The following RBFOX1 variants were observed in gnomAD, a reference collection of about 807,000 sequenced individuals.
RBFOX1 encodes RNA binding protein fox-1 homolog 1.
Under a neutral mutation model 57.7 loss-of-function variants are expected in RBFOX1, and 8 were observed. The observed-to-expected ratio is 0.14, with a 90% confidence interval of 0.08 to 0.25. RBFOX1 has a LOEUF of 0.25. Ranked by LOEUF, RBFOX1 falls within the 10% of genes least tolerant of loss-of-function variation. RBFOX1 has a pLI of 1.00. For missense variants in RBFOX1, 611 were observed against 548.5 expected, an observed-to-expected ratio of 1.11 and a Z score of -1.14; for synonymous variants, 326 against 222.4, an observed-to-expected ratio of 1.47 and a Z score of -4.15.
intron 3 of RBFOX1, among the ~76,000 whole-genome samples, chr16:6,804,438 C>T (rs1465824163): frequency 6.6e-6 from 1 of 152,106 alleles, no homozygotes; most frequent in South Asian, 2.1e-4. Context: ...TCTTTGCTGA[C>T]TGAAGATTTG....
chr16:5,779,547 C>T (rs961382011), intron 3 of RBFOX1, among the ~76,000 whole-genome samples: 8 of 152,178 alleles, frequency 5.3e-5, no homozygotes, highest in African/African-American at 1.9e-4. Flanking sequence ...GTCCATGTAT[C>T]CAAGTATCCC....
At chr16:7,089,946 C>T (rs1335653352) in intron 4 of RBFOX1, among the ~76,000 whole-genome samples, 3 of 151,294 alleles carry the variant, frequency 2.0e-5, no homozygotes, top group African/African-American at 4.9e-5. Flanking sequence ...TAAATTGGAA[C>T]AGCTGGATGC....
chr16:7,467,232 T>A (rs560628555), intron 4 of RBFOX1, among the ~76,000 whole-genome samples: 22 of 152,114 alleles, frequency 1.4e-4, no homozygotes, highest in Non-Finnish European at 2.6e-4. Flanking sequence ...CGGAGAACTT[T>A]CCAATGAGTC....
At chr16:5,882,214 G>A (rs780938614) in intron 4 of RBFOX1, among the ~76,000 whole-genome samples, 6 of 152,194 alleles carry the variant, frequency 3.9e-5, no homozygotes, top group East Asian at 3.9e-4. Context: ...TTTGTTTACC[G>A]TTCCTCGTAG....
At chr16:7,396,348 G>T (rs910126212) in intron 4 of RBFOX1, among the ~76,000 whole-genome samples, 1 of 152,054 alleles carries the variant, frequency 6.6e-6, no homozygotes, top group South Asian at 2.1e-4. Context: ...AGTTACAAGC[G>T]GATTCAAATG....
intron 3 of RBFOX1, among the ~76,000 whole-genome samples, chr16:5,774,387 G>T (rs928420529): frequency 2.7e-4 from 41 of 152,200 alleles, no homozygotes; most frequent in African/African-American, 9.6e-4. Context: ...TGCTGTTTTA[G>T]TTTCACGTAG....
rs1177582915 is a variant in RBFOX1 at position 5,935,172 on chromosome 16, T to C, written c.351+67837T>C. ...CCTATAACTTTATCTTTATAATTTT[T>C]CCCACTACCCTGACCAATCCCCTAC... On this transcript the variant is annotated intron_variant, in intron 4 of 19. Transcript: ENST00000641259. 3.3e-5 allele frequency among the ~76,000 whole-genome samples: 5 copies of C among 152,334 alleles called. No individual in the cohort carries two copies. In the South Asian group the frequency reaches 8.3e-4, roughly 25 times the overall value.
chr16:5,435,673 G>C (rs1415891674), intron 1 of RBFOX1, among the ~76,000 whole-genome samples: 1 of 152,190 alleles, frequency 6.6e-6, no homozygotes, highest in South Asian at 2.1e-4. Flanking sequence ...AATTTGGGAA[G>C]TCAGGGAAGG....
chr16:7,098,463 C>A (rs2062071288), intron 4 of RBFOX1, among the ~76,000 whole-genome samples: 1 of 152,168 alleles, frequency 6.6e-6, no homozygotes, highest in Admixed American at 6.5e-5. Flanking sequence ...AGCTACTGTG[C>A]CAGGTAGGCA....
At chr16:6,772,689 A>G (rs115755304) in intron 3 of RBFOX1, among the ~76,000 whole-genome samples, 141 of 113,986 alleles carry the variant, frequency 1.2e-3, no homozygotes, top group African/African-American at 5.0e-3. Context: ...TTGTGTGTGT[A>G]TATGTGGGTG....
intron 3 of RBFOX1, among the ~76,000 whole-genome samples, chr16:7,008,314 G>C (rs1018903762): frequency 6.6e-6 from 1 of 152,146 alleles, no homozygotes; most frequent in African/African-American, 2.4e-5. Context: ...GACTGAGGCA[G>C]GTGGATCACC....
At chr16:7,233,243 C>T (rs1425251117) in intron 4 of RBFOX1, among the ~76,000 whole-genome samples, 10 of 151,490 alleles carry the variant, frequency 6.6e-5, no homozygotes, top group African/African-American at 2.4e-4. Flanking sequence ...GATTCTTATC[C>T]CATTGACTTT....
intron 4 of RBFOX1, among the ~76,000 whole-genome samples, chr16:7,347,119 G>T (rs2097026007): frequency 6.6e-6 from 1 of 152,178 alleles, no homozygotes; most frequent in South Asian, 2.1e-4. Flanking sequence ...TTTTTGGCTT[G>T]TAAGGACATT....
chr16:7,092,559 G>C (rs1049556284), intron 4 of RBFOX1, among the ~76,000 whole-genome samples: 1 of 152,160 alleles, frequency 6.6e-6, no homozygotes, highest in Non-Finnish European at 1.5e-5. Context: ...ATTATCAGTT[G>C]TTTCTGCTTA....
intron 3 of RBFOX1, among the ~76,000 whole-genome samples, chr16:6,794,584 A>T (rs780629423): frequency 7.9e-5 from 12 of 152,104 alleles, no homozygotes; most frequent in Middle Eastern, 3.4e-3. Flanking sequence ...TTAGCAGAAA[A>T]CTCATTCAGT....
intron 4 of RBFOX1, among the ~76,000 whole-genome samples, chr16:7,504,772 TA>T (rs2072552928): frequency 1.3e-4 from 1 of 7,568 alleles, no homozygotes; most frequent in Non-Finnish European, 4.8e-4. Context: ...TATATATATT[TA>T]TATATATATA....
intron 3 of RBFOX1, among the ~76,000 whole-genome samples, chr16:6,739,524 G>A (rs2071414829): frequency 7.3e-6 from 1 of 136,424 alleles, no homozygotes; most frequent in African/African-American, 2.8e-5. Context: ...GGTTTCACTG[G>A]AGAATTCTAC....
At chr16:6,222,063 G>A (rs994726648) in intron 1 of RBFOX1, among the ~76,000 whole-genome samples, 7 of 152,160 alleles carry the variant, frequency 4.6e-5, no homozygotes, top group Non-Finnish European at 1.0e-4. Flanking sequence ...AAGAAGTATG[G>A]AAGGGCACAC....
intron 4 of RBFOX1, among the ~76,000 whole-genome samples, chr16:7,168,300 C>G (rs1219112143): frequency 6.6e-6 from 1 of 151,378 alleles, no homozygotes. Context: ...TGAAATGGAC[C>G]AAGGTCTGTT....
Sources: gnomAD v4.1 joint callset for allele counts (sites outside exome capture counted in the v4.1 genomes callset) on GRCh38, gnomAD v4.1.1 for gene constraint, MANE v1.5 for transcripts, NCBI Gene and HGNC (gene_info 2026-07-23, HGNC 2026-07-21) for gene names.